The following TRAPPC9 variants were observed in gnomAD, a reference collection of about 807,000 sequenced individuals.
TRAPPC9 encodes the protein IKK2 binding protein.
Under a neutral mutation model 124.0 loss-of-function variants are expected in TRAPPC9, and 83 were observed. The observed-to-expected ratio is 0.67, with a 90% CI of 0.56 to 0.80. The LOEUF is 0.80. Among genes scored for constraint, TRAPPC9 ranks in the 30% least tolerant of loss-of-function variants. TRAPPC9 has a pLI of 0.00. For synonymous variants in TRAPPC9, 638 were observed against 617.5 expected (o/e 1.03, Z -0.49); for missense variants, 1,302 against 1,508.3 (o/e 0.86, Z 2.27).
intron 20 of TRAPPC9, among the ~76,000 whole-genome samples, chr8:139,905,992 G>A (rs544376853): frequency 9.9e-5 from 15 of 152,208 alleles, no homozygotes; most frequent in Admixed American, 9.8e-4. Context: ...TACTCGGGGG[G>A]CTGAGGCAGG....
At chr8:140,401,623 T>A (rs1475219369) in intron 6 of TRAPPC9, among the ~76,000 whole-genome samples, 1 of 146,836 alleles carries the variant, frequency 6.8e-6, no homozygotes, top group Admixed American at 6.8e-5. Flanking sequence ...AATGAAATCA[T>A]GAAAAATTAT....
chr8:139,774,193 G>A (rs1172341386), intron 21 of TRAPPC9, among the ~76,000 whole-genome samples: 1 of 152,226 alleles, frequency 6.6e-6, no homozygotes, highest in Admixed American at 6.5e-5. Flanking sequence ...AGTCGGCATG[G>A]GCTGAGCAGA....
chr8:140,147,317 A>G (rs999846685), intron 17 of TRAPPC9, among the ~76,000 whole-genome samples: 1 of 152,226 alleles, frequency 6.6e-6, no homozygotes, highest in Admixed American at 6.5e-5. Flanking sequence ...AATGCCATGA[A>G]TCTCTAAGAT....
intron 21 of TRAPPC9, among the ~76,000 whole-genome samples, chr8:139,785,216 T>C (rs745699087): frequency 8.5e-5 from 13 of 152,198 alleles, no homozygotes; most frequent in Non-Finnish European, 1.6e-4. Flanking sequence ...AACAACTGAA[T>C]ACACACTCGC....
intron 21 of TRAPPC9, among the ~76,000 whole-genome samples, chr8:139,732,403 G>T (rs1448449389): frequency 6.6e-6 from 1 of 152,050 alleles, no homozygotes; most frequent in Non-Finnish European, 1.5e-5. Flanking sequence ...AAAGACGGGT[G>T]TGGTGGCTAG....
chr8:139,840,522 C>T (rs540910920), intron 21 of TRAPPC9, among the ~76,000 whole-genome samples: 5 of 152,314 alleles, frequency 3.3e-5, no homozygotes, highest in Admixed American at 6.5e-5. Context: ...GGAAACTGCA[C>T]GACTCAAATT....
chr8:139,816,193 T>A (rs1824821923), intron 21 of TRAPPC9, among the ~76,000 whole-genome samples: 1 of 152,138 alleles, frequency 6.6e-6, no homozygotes, highest in Non-Finnish European at 1.5e-5. Flanking sequence ...AAGGCCAGAC[T>A]TGATAGATGA....
At chr8:140,283,395 C>T (rs6982865) in intron 14 of TRAPPC9, among the ~76,000 whole-genome samples, 7 of 144,710 alleles carry the variant, frequency 4.8e-5, no homozygotes, top group Non-Finnish European at 9.0e-5. Flanking sequence ...CCTGGGTTCA[C>T]GCCATTCTCC....
chr8:140,192,888 C>T (rs1277340815), intron 17 of TRAPPC9, among the ~76,000 whole-genome samples: 2 of 152,192 alleles, frequency 1.3e-5, no homozygotes, highest in Non-Finnish European at 2.9e-5. Context: ...AATGATTCTC[C>T]TGCCTCAGCC....
intron 19 of TRAPPC9, among the ~76,000 whole-genome samples, chr8:139,977,565 C>T (rs1323852991): frequency 6.9e-6 from 1 of 145,670 alleles, no homozygotes; most frequent in East Asian, 2.1e-4. Context: ...TTGCAGAGAG[C>T]GGAGATCGCG....
At chr8:140,233,440 G>A (rs190596966) in intron 16 of TRAPPC9, among the ~76,000 whole-genome samples, 16 of 151,980 alleles carry the variant, frequency 1.1e-4, no homozygotes, top group Non-Finnish European at 1.8e-4. Context: ...TCCTGACCTC[G>A]TGATCCACCC....
chr8:140,287,444 C>T (rs1421120167), intron 13 of TRAPPC9, among the ~76,000 whole-genome samples, 164 bp downstream of exon 13: 1 of 152,152 alleles, frequency 6.6e-6, no homozygotes, highest in Non-Finnish European at 1.5e-5. Context: ...ACATCCCGCA[C>T]CCCACGAACA....
At chr8:140,180,371 T>C (rs997870344) in intron 17 of TRAPPC9, among the ~76,000 whole-genome samples, 1 of 152,066 alleles carries the variant, frequency 6.6e-6, no homozygotes, top group Non-Finnish European at 1.5e-5. Context: ...ATGTTTGTCA[T>C]ATTTTTTCCT....
At chr8:139,843,940 G>A (rs1826899032) in intron 21 of TRAPPC9, among the ~76,000 whole-genome samples, 4 of 152,216 alleles carry the variant, frequency 2.6e-5, no homozygotes, top group Admixed American at 2.0e-4. Flanking sequence ...GGACTCCAGC[G>A]CTGGGCCCTC....
At chr8:140,343,389 T>C (rs1185126578) in intron 9 of TRAPPC9, among the ~76,000 whole-genome samples, 1 of 152,382 alleles carries the variant, frequency 6.6e-6, no homozygotes, top group South Asian at 2.1e-4. Flanking sequence ...ATACAGTGTT[T>C]TGCATTACTT....
rs182625437 is a variant in TRAPPC9 at position 140,023,219 on chromosome 8, G to A, written c.2699+718C>T. On this transcript the variant is annotated intron_variant, in intron 18 of 22. Coordinates refer to ENST00000438773, the MANE Select transcript of TRAPPC9 (RefSeq NM_001160372.4). ...ACTACGGAGGAATGGGAGCCACAGA[G>A]GGTCCCCAGCTGGCAGGAGCTTCAT... Among the ~76,000 whole-genome samples the A allele has an allele frequency of 1.9e-3, 292 of 152,302 alleles. 3 individuals are homozygous for A. Among genetic ancestry groups the A allele is most frequent in the African/African-American group, 6.6e-3 (275 of 41,570 alleles).
chr8:140,162,880 T>C (rs1008116286), intron 17 of TRAPPC9, among the ~76,000 whole-genome samples: 3 of 152,060 alleles, frequency 2.0e-5, no homozygotes, highest in African/African-American at 4.8e-5. Flanking sequence ...TAGTCCTAGA[T>C]ACTTGGGAGA....
At chr8:139,864,014 C>A (rs536388496) in intron 21 of TRAPPC9, among the ~76,000 whole-genome samples, 44 of 152,270 alleles carry the variant, frequency 2.9e-4, no homozygotes, top group African/African-American at 1.1e-3. Flanking sequence ...CCAGTGGGAC[C>A]AATGCCTCCC....
At chr8:140,047,129 G>A (rs958482827) in intron 17 of TRAPPC9, among the ~76,000 whole-genome samples, 7 of 152,138 alleles carry the variant, frequency 4.6e-5, no homozygotes, top group Admixed American at 1.3e-4. Flanking sequence ...AGCCTCTCCC[G>A]GCACAGCCTC....
Sources: gnomAD v4.1 joint callset for allele counts (sites outside exome capture counted in the v4.1 genomes callset) on GRCh38, gnomAD v4.1.1 for gene constraint, MANE v1.5 for transcripts, NCBI Gene and HGNC (gene_info 2026-07-23, HGNC 2026-07-21) for gene names.